The following CNTN6 variants were observed in gnomAD, a reference collection of about 807,000 sequenced individuals.
The protein encoded by CNTN6 is contactin-6.
A neutral mutation model predicts 122.8 loss-of-function variants in CNTN6; 137 were observed. The ratio of observed to expected loss-of-function variants is 1.12; its 90% CI spans 0.97 to 1.29. CNTN6 has a LOEUF of 1.29. CNTN6 is among the 50% of genes most tolerant of loss of function. The pLI is 0.00. For missense variants in CNTN6, 1,634 were observed against 1,223.4 expected, an observed-to-expected ratio of 1.34 and a Z score of -5.01; for synonymous variants, 570 against 426.0, an observed-to-expected ratio of 1.34 and a Z score of -4.16.
In CNTN6 at chr3:1,395,075, C is replaced by G. The variant is rs998441561; in HGVS notation, c.2705-6358C>G. ...CAATAGCTCTTAAATTTGACTCTTA[C>G]CAGCCTGTATGCTTCAGTGACCCTA... is the stretch of plus-strand genomic sequence containing the variant. On this transcript the variant is annotated intron_variant, in intron 20 of 22. Transcript: ENST00000446702. 7.9e-5 allele frequency among the ~76,000 whole-genome samples: 12 copies of G among 152,224 alleles called. No homozygotes were observed. The East Asian group carries it at 2.1e-3, about 27-fold the overall frequency.
At chr3:1,198,826 T>C (rs189010868) in intron 2 of CNTN6, among the ~76,000 whole-genome samples, 119 of 152,058 alleles carry the variant, frequency 7.8e-4, no homozygotes, top group African/African-American at 2.8e-3. Context: ...AAACTAAGAG[T>C]GCGATCTTAT....
chr3:1,296,342 C>T (rs1696234111), intron 6 of CNTN6, among the ~76,000 whole-genome samples: 1 of 152,116 alleles, frequency 6.6e-6, no homozygotes, highest in Non-Finnish European at 1.5e-5. Flanking sequence ...AAGATTTATA[C>T]TAATTATATT....
chr3:1,165,470 A>T (rs938413527), intron 2 of CNTN6, among the ~76,000 whole-genome samples: 1 of 152,256 alleles, frequency 6.6e-6, no homozygotes, highest in African/African-American at 2.4e-5. Context: ...TCAACCTTGT[A>T]TTGAAGCTCT....
intron 20 of CNTN6, among the ~76,000 whole-genome samples, chr3:1,400,743 G>A (rs1283994620): frequency 1.3e-5 from 2 of 152,116 alleles, no homozygotes; most frequent in African/African-American, 2.4e-5. Context: ...GAGGTTTTAA[G>A]TTTCAGGTGT....
chr3:1,123,872 C>G (rs1175052455), intron 1 of CNTN6, among the ~76,000 whole-genome samples: 2 of 151,876 alleles, frequency 1.3e-5, no homozygotes, highest in Admixed American at 1.3e-4. Context: ...TCCTAGTTTT[C>G]TGAATGTTTT....
At chr3:1,339,511 A>C (rs1703583165) in intron 11 of CNTN6, among the ~76,000 whole-genome samples, 1 of 152,160 alleles carries the variant, frequency 6.6e-6, no homozygotes, top group Non-Finnish European at 1.5e-5. Context: ...TGTCACCACT[A>C]ACATGTGAAG....
At chr3:1,335,914 T>C (rs891520554) in intron 11 of CNTN6, among the ~76,000 whole-genome samples, 3 of 151,972 alleles carry the variant, frequency 2.0e-5, no homozygotes, top group African/African-American at 7.2e-5. Context: ...CACACCCCTG[T>C]GGTGCCAGCT....
chr3:1,191,804 G>T (rs2093706638), intron 2 of CNTN6, among the ~76,000 whole-genome samples: 1 of 152,160 alleles, frequency 6.6e-6, no homozygotes, highest in Admixed American at 6.5e-5. Flanking sequence ...GAATTAAATT[G>T]TAGGACACAT....
At chr3:1,098,798 A>C (rs1275802823) in intron 1 of CNTN6, among the ~76,000 whole-genome samples, 1 of 119,886 alleles carries the variant, frequency 8.3e-6, no homozygotes, top group East Asian at 2.2e-4. Flanking sequence ...ACATATATAT[A>C]TATATATATA....
At chr3:1,376,180 C>T (rs1709832952) in intron 16 of CNTN6, among the ~76,000 whole-genome samples, 1 of 152,110 alleles carries the variant, frequency 6.6e-6, no homozygotes, top group Non-Finnish European at 1.5e-5. Flanking sequence ...TGCTTTTAAA[C>T]ACTTACGCAT....
chr3:1,103,867 C>G (rs9865375), intron 1 of CNTN6, among the ~76,000 whole-genome samples: 1 of 151,826 alleles, frequency 6.6e-6, no homozygotes, highest in Non-Finnish European at 1.5e-5. Flanking sequence ...TATTAGCCCC[C>G]GGATGTTATT....
In CNTN6 at chr3:1,207,663, T is replaced by G. The variant is rs149171398; in HGVS notation, c.56-13024T>G. 6.5e-3 allele frequency among the ~76,000 whole-genome samples: 993 copies of G among 152,192 alleles called. 9 individuals carry two copies. Among genetic ancestry groups the G allele is most frequent in the Middle Eastern group, 0.037 (11 of 294 alleles). On this transcript the variant is annotated intron_variant, in intron 2 of 22. Transcript: ENST00000446702. ...TCTGTTTGTTTGTTCATTTATCTTA[T>G]GCCTCCCTCAATTAGAATACAAACG...
chr3:1,223,421 AC>A (rs2094235685), intron 3 of CNTN6, among the ~76,000 whole-genome samples: 1 of 152,172 alleles, frequency 6.6e-6, no homozygotes, highest in African/African-American at 2.4e-5. Context: ...TTAAAAGCAA[AC>A]TTTTTGAAAG....
intron 1 of CNTN6, among the ~76,000 whole-genome samples, chr3:1,113,996 G>A (rs1352925003): frequency 6.6e-6 from 1 of 152,152 alleles, no homozygotes; most frequent in Admixed American, 6.5e-5. Context: ...AGATTTTCGT[G>A]CACAGAGGCA....
intron 7 of CNTN6, among the ~76,000 whole-genome samples, chr3:1,301,706 AGTCTGAAGC>A (rs1461808899): frequency 6.6e-6 from 1 of 150,890 alleles, no homozygotes; most frequent in African/African-American, 2.5e-5. Flanking sequence ...AAAAATGGAA[AGTCTGAAGC>A]ATCTGCTCGG....
chr3:1,296,600 G>C (rs1696283146), intron 6 of CNTN6, among the ~76,000 whole-genome samples: 1 of 152,138 alleles, frequency 6.6e-6, no homozygotes, highest in Non-Finnish European at 1.5e-5. Flanking sequence ...CCTCTGAAGA[G>C]TTGAAGAAAA....
At position 1,304,998 on chromosome 3, in the gene CNTN6, A is replaced by C. The variant is rs1019404492; in HGVS notation, c.761+7007A>C. ...GAATGAGACTCTGTCAAAAAAAAAA[A>C]AAAAAACAAAATTCAAAAGATAAAC... On this transcript the variant is annotated intron_variant, in intron 7 of 22. Transcript: ENST00000446702. Among the ~76,000 whole-genome samples, 8 of 151,750 alleles carry C rather than the reference A, an allele frequency of 5.3e-5. 1 individual carries two copies. The highest frequency in any genetic ancestry group is 1.2e-4 in the Non-Finnish European group (8 of 67,920).
intron 4 of CNTN6, among the ~76,000 whole-genome samples, chr3:1,242,627 G>A (rs2094501556): frequency 6.6e-6 from 1 of 152,188 alleles, no homozygotes; most frequent in Non-Finnish European, 1.5e-5. Flanking sequence ...CAGGGAAGGA[G>A]TAGAGATGTC....
Position 1,381,940 on chromosome 3 carries a change from A to G in CNTN6, c.2167-1002A>G, listed in dbSNP as rs992767453. Among the ~76,000 whole-genome samples, 3 of 121,858 alleles carry G rather than the reference A, an allele frequency of 2.5e-5. No homozygotes were observed. In the South Asian group the frequency reaches 9.6e-4, roughly 39 times the overall value. The allele number at this position is 121,858 out of a possible 152,430, so 79.9% of individuals were successfully genotyped here. ...GTGCCTGTGGTTCTGGCGCTCGTGA[A>G]TTGGTGCTCGCATGGGTTCCAAGTG... On this transcript the variant is annotated intron_variant, in intron 17 of 22. Coordinates refer to ENST00000446702, the MANE Select transcript of CNTN6 (RefSeq NM_001289080.2).
Sources: allele counts gnomAD v4.1 joint callset (sites outside exome capture counted in the v4.1 genomes callset), GRCh38; gene constraint gnomAD v4.1.1; transcripts MANE v1.5; gene names NCBI Gene and HGNC (gene_info 2026-07-23, HGNC 2026-07-21).